The following EDC3 variants were observed in gnomAD, a reference collection of about 807,000 sequenced individuals.
EDC3 encodes the protein enhancer of mRNA-decapping protein 3.
EDC3 carries 20 observed loss-of-function variants against 41.8 expected under a neutral mutation model. The ratio of observed to expected loss-of-function variants is 0.48; its 90% CI spans 0.34 to 0.70. The LOEUF (loss-of-function observed/expected upper bound fraction) is 0.70. EDC3 is among the 30% of genes least tolerant of loss of function. The pLI is 0.01. For missense variants in EDC3, 444 were observed against 636.8 expected (o/e 0.70, Z 3.26); for synonymous variants, 206 against 243.2 (o/e 0.85, Z 1.42).
At chr15:74,652,418 C>T (rs1478665618) in intron 4 of EDC3, among the ~76,000 whole-genome samples, 3 of 151,742 alleles carry the variant, frequency 2.0e-5, no homozygotes, top group Admixed American at 6.6e-5. Context: ...TTAGTAGAGA[C>T]GGGGTTTCAC....
chr15:74,645,574 G>C lies in EDC3; in HGVS notation c.821-4955C>G, dbSNP rs1468845620. ...TTCAATAAAAAAAGTTGGGGGGGGGGGGGTGCCAGGCAGGTGGCTCATGCC... is the reference window on the plus strand; with the variant it reads ...TTCAATAAAAAAAGTTGGGGGGGGGCGGGTGCCAGGCAGGTGGCTCATGCC... On this transcript the variant is annotated intron_variant, in intron 4 of 6. Transcript: ENST00000315127. 1.2e-4 allele frequency among the ~76,000 whole-genome samples: 17 copies of C among 143,052 alleles called. 1 individual carries two copies. The South Asian group carries it at 3.6e-3, about 30-fold the overall frequency. 93.8% of individuals were successfully genotyped at this position (143,052 alleles called of 152,430 possible). A position where few individuals can be genotyped will look rare whatever the true frequency, so the allele number is the denominator to read the frequency against.
intron 4 of EDC3, among the ~76,000 whole-genome samples, chr15:74,648,650 G>A (rs79600165): frequency 0.26 from 38,992 of 152,066 alleles, 6,855 homozygotes; most frequent in East Asian, 0.54. Flanking sequence ...CCTTTTTAAG[G>A]AAATAAATAG....
chr15:74,674,376 T>C (rs2141655799), intron 2 of EDC3, among the ~76,000 whole-genome samples: 1 of 152,326 alleles, frequency 6.6e-6, no homozygotes, highest in South Asian at 2.1e-4. Context: ...CCCAAAGTGC[T>C]GGAATTACAG....
intron 1 of EDC3, among the ~76,000 whole-genome samples, chr15:74,693,746 G>A (rs1394434699): frequency 1.3e-5 from 2 of 152,262 alleles, no homozygotes; most frequent in East Asian, 1.9e-4. Flanking sequence ...CACTTTGGGA[G>A]GCTGAGGTGA....
rs773607334 is a variant in EDC3 at position 74,632,879 on chromosome 15, G to A, written c.1260C>T (p.Arg420=). 5.0e-6 allele frequency: 8 copies of A among 1,614,244 alleles called. No homozygotes were observed. Among genetic ancestry groups the A allele is most frequent in the Middle Eastern group, 3.3e-4 (2 of 6,062 alleles). The change falls in exon 7 of 7, where the codon CGC becomes CGT. Residue 420 remains arginine, a synonymous_variant. Transcript: ENST00000315127. This position sits in a 1 kb window ranked among gnomAD's most constrained non-coding sequence, Gnocchi z 4.0. ...CAGCTGCCTTGTACCAGGGTTGATC[G>A]CGCAGGAAGACGTTCTCAGGGCAAT... ...CLDCPENVFL[R]DQPWYKAAVA...
intron 4 of EDC3, among the ~76,000 whole-genome samples, chr15:74,653,170 A>C (rs1393905639): frequency 6.6e-6 from 1 of 151,132 alleles, no homozygotes; most frequent in Non-Finnish European, 1.5e-5. Flanking sequence ...CTGGATGACA[A>C]AACAAGACTC....
At chr15:74,691,941 C>T (rs1302247538) in intron 1 of EDC3, among the ~76,000 whole-genome samples, 1 of 152,134 alleles carries the variant, frequency 6.6e-6, no homozygotes, top group Non-Finnish European at 1.5e-5. Context: ...CTCAGCCTCC[C>T]AAGTAGCTGG....
At chr15:74,670,404 TACC>T (rs1426822870) in intron 3 of EDC3, among the ~76,000 whole-genome samples, 5 of 152,172 alleles carry the variant, frequency 3.3e-5, no homozygotes, top group Non-Finnish European at 7.4e-5. Context: ...CTCACCATCA[TACC>T]ACCAACACAA....
intron 1 of EDC3, among the ~76,000 whole-genome samples, chr15:74,692,480 G>A (rs577534591): frequency 1.3e-5 from 2 of 152,152 alleles, no homozygotes; most frequent in South Asian, 4.2e-4. Context: ...GAAAACAGAG[G>A]AGGAAGGAAC....
Position 74,695,972 on chromosome 15 carries a change from A to T in EDC3, c.-111T>A, listed in dbSNP as rs1389256058. Reference sequence around the variant, plus strand: ...CCACAGAAGAATTCTCTCCACGCCCACCCCCACAGCATCGGCCTTCACCAC... The same window carrying T: ...CCACAGAAGAATTCTCTCCACGCCCTCCCCCACAGCATCGGCCTTCACCAC... On this transcript the variant is annotated 5_prime_UTR_variant, in exon 1 of 7. Transcript: ENST00000315127. The T allele has an allele frequency of 1.3e-5, 2 of 152,078 alleles. No individual in the cohort carries two copies. Among genetic ancestry groups the T allele is most frequent in the Non-Finnish European group, 2.9e-5 (2 of 68,242 alleles). 9.4% of individuals were successfully genotyped at this position (152,078 alleles called of 1,614,324 possible).
intron 1 of EDC3, among the ~76,000 whole-genome samples, chr15:74,677,873 G>A (rs1226205588): frequency 1.3e-5 from 2 of 152,034 alleles, no homozygotes; most frequent in Non-Finnish European, 2.9e-5. Flanking sequence ...ATGGATGAAT[G>A]AACTATGGCA....
intron 6 of EDC3, among the ~76,000 whole-genome samples, chr15:74,634,866 G>C (rs1195239599): frequency 2.0e-5 from 3 of 152,030 alleles, no homozygotes; most frequent in Admixed American, 6.5e-5. Flanking sequence ...ACCTAAATTT[G>C]ATTATATCAT....
chr15:74,639,448 C>T (rs781675748), intron 5 of EDC3: 2 of 152,246 alleles, frequency 1.3e-5, no homozygotes, highest in Non-Finnish European at 2.9e-5. Context: ...TGCAATGGCT[C>T]ACACCTGTAA....
intron 4 of EDC3, among the ~76,000 whole-genome samples, chr15:74,654,627 C>G (rs2062523240): frequency 6.6e-6 from 1 of 152,042 alleles, no homozygotes; most frequent in Non-Finnish European, 1.5e-5. Context: ...GCATGCCTAC[C>G]AGAATCTGCC....
chr15:74,657,614 C>G (rs536470562), intron 3 of EDC3, among the ~76,000 whole-genome samples: 3 of 152,140 alleles, frequency 2.0e-5, no homozygotes, highest in Non-Finnish European at 4.4e-5. Flanking sequence ...AGAAATACCC[C>G]CAGAGTAAAA....
At chr15:74,672,726 A>G (rs539079950) in intron 2 of EDC3, among the ~76,000 whole-genome samples, 1 of 152,198 alleles carries the variant, frequency 6.6e-6, no homozygotes, top group Non-Finnish European at 1.5e-5. Flanking sequence ...GAGGCATGAG[A>G]ATCGTTTCAC....
At position 74,632,974 on chromosome 15, in the gene EDC3, AGT is replaced by A. The variant is rs773653347; in HGVS notation, c.1193-30_1193-29del. ...GCAGGTGGAAAGAGTGCCATCTGAA[AGT>A]CCCTATGAGCAGAGAGCAGCCCAGG... On this transcript the variant is annotated intron_variant, in intron 6 of 6. Coordinates refer to ENST00000315127, the MANE Select transcript of EDC3 (RefSeq NM_025083.5). This position sits in a 1 kb window ranked among gnomAD's most constrained non-coding sequence, Gnocchi z 4.0. 12 of 1,607,446 alleles carry A rather than the reference AGT, an allele frequency of 7.5e-6. No homozygotes were observed. The highest frequency in any genetic ancestry group is 1.0e-5 in the Non-Finnish European group (12 of 1,175,810).
chr15:74,691,443 C>T (rs1309026730), intron 1 of EDC3, among the ~76,000 whole-genome samples: 1 of 152,166 alleles, frequency 6.6e-6, no homozygotes, highest in Admixed American at 6.5e-5. Flanking sequence ...AGAAAGAATA[C>T]CGATCACATA....
chr15:74,641,229 C>A (rs1205502639), intron 4 of EDC3: 1 of 152,710 alleles, frequency 6.5e-6, no homozygotes, highest in Non-Finnish European at 1.5e-5. Context: ...AATAATTTAT[C>A]ATTTTCTCCC....
Sources: gnomAD v4.1 joint callset for allele counts (sites outside exome capture counted in the v4.1 genomes callset) on GRCh38, gnomAD v4.1.1 for gene constraint, Gnocchi (gnomAD v3.1) non-coding constraint, MANE v1.5 for transcripts, NCBI Gene and HGNC (gene_info 2026-07-23, HGNC 2026-07-21) for gene names.